SPIDR: variants seen among roughly 807,000 people sequenced by gnomAD.
SPIDR encodes the protein DNA repair-scaffolding protein.
A neutral mutation model predicts 104.6 loss-of-function variants in SPIDR; 93 were observed. The ratio of observed to expected loss-of-function variants is 0.89; its 90% CI spans 0.75 to 1.06. The LOEUF (loss-of-function observed/expected upper bound fraction) is 1.06, where lower values mean the gene tolerates loss of function less well. SPIDR is among the 50% of genes least tolerant of loss of function. The pLI is 0.00. For synonymous variants in SPIDR, 431 were observed against 416.9 expected (o/e 1.03, Z -0.41); for missense variants, 1,154 against 1,111.2 (o/e 1.04, Z -0.55).
chr8:47,487,060 T>A (rs1288908391), intron 8 of SPIDR, among the ~76,000 whole-genome samples: 3 of 152,170 alleles, frequency 2.0e-5, no homozygotes, highest in Non-Finnish European at 4.4e-5. Context: ...ACTGGCAAAT[T>A]GGATAAACAG....
At chr8:47,691,392 C>T (rs1428291247) in intron 11 of SPIDR, among the ~76,000 whole-genome samples, 2 of 151,828 alleles carry the variant, frequency 1.3e-5, no homozygotes, top group South Asian at 2.1e-4. Context: ...CACATCTATA[C>T]GGTATTCATA....
At chr8:47,269,609 G>C (rs2034868619) in intron 1 of SPIDR, among the ~76,000 whole-genome samples, 1 of 150,806 alleles carries the variant, frequency 6.6e-6, no homozygotes, top group Non-Finnish European at 1.5e-5. Context: ...ATACCATGCT[G>C]TCTGTCAGTA....
chr8:47,343,771 T>A (rs1358382180), intron 5 of SPIDR, among the ~76,000 whole-genome samples: 1 of 152,116 alleles, frequency 6.6e-6, no homozygotes, highest in Non-Finnish European at 1.5e-5. Flanking sequence ...TTTCTCAGGA[T>A]GTTTCATTCC....
intron 8 of SPIDR, among the ~76,000 whole-genome samples, chr8:47,451,570 A>C (rs1377063576): frequency 7.9e-6 from 1 of 126,498 alleles, no homozygotes; most frequent in Non-Finnish European, 1.7e-5. Context: ...GACATTGTGA[A>C]ACCCTGCCAA....
At chr8:47,720,472 C>T (rs1001334306) in intron 16 of SPIDR, among the ~76,000 whole-genome samples, 6 of 152,244 alleles carry the variant, frequency 3.9e-5, no homozygotes, top group African/African-American at 1.2e-4. Flanking sequence ...TCCACATCCT[C>T]ACCAGCATTT....
chr8:47,373,192 A>G (rs1227840615), intron 5 of SPIDR, among the ~76,000 whole-genome samples: 1 of 152,228 alleles, frequency 6.6e-6, no homozygotes, highest in Non-Finnish European at 1.5e-5. Context: ...CCTATTTCCT[A>G]ATTGAAAAGC....
chr8:47,313,692 ATGGTAC>A (rs1395738293), intron 5 of SPIDR, among the ~76,000 whole-genome samples: 1 of 152,230 alleles, frequency 6.6e-6, no homozygotes, highest in Non-Finnish European at 1.5e-5. Flanking sequence ...CCAAAACTGC[ATGGTAC>A]TGGTACCAAA....
At chr8:47,436,790 C>G (rs1305597590) in intron 7 of SPIDR, among the ~76,000 whole-genome samples, 4 of 152,186 alleles carry the variant, frequency 2.6e-5, no homozygotes, top group Admixed American at 2.6e-4. Context: ...GCTTTTTTCT[C>G]TCTCAGACAA....
intron 5 of SPIDR, among the ~76,000 whole-genome samples, chr8:47,345,570 C>T (rs189842662): frequency 8.9e-4 from 135 of 152,278 alleles, no homozygotes; most frequent in African/African-American, 2.6e-3. Flanking sequence ...GCCATTTTTA[C>T]GATACTGATT....
chr8:47,685,517 A>ATTTATTTTTTTTTTTTTTTT (rs761792229), intron 11 of SPIDR, among the ~76,000 whole-genome samples: 1 of 130,098 alleles, frequency 7.7e-6, no homozygotes, highest in South Asian at 2.3e-4. Flanking sequence ...TTATTTATTT[A>ATTTATTTTTTTTTTTTTTTT]TTTTTTTGAG....
intron 8 of SPIDR, among the ~76,000 whole-genome samples, chr8:47,458,266 T>G (rs532806981): frequency 6.6e-6 from 1 of 152,262 alleles, no homozygotes; most frequent in Admixed American, 6.5e-5. Context: ...CTTTCAGCAG[T>G]GTTTTTTAGT....
At chr8:47,261,073 T>G (rs2154208001) in intron 1 of SPIDR, 82 bp downstream of exon 1, 1 of 1,209,312 alleles carries the variant, frequency 8.3e-7, no homozygotes, top group Non-Finnish European at 1.0e-6. Flanking sequence ...CTGGCCCCGT[T>G]GTGCTGGGGT....
intron 1 of SPIDR, among the ~76,000 whole-genome samples, chr8:47,269,203 G>A (rs1367825243): frequency 7.1e-6 from 1 of 140,458 alleles, no homozygotes; most frequent in Non-Finnish European, 1.5e-5. Flanking sequence ...GGAGGTAGAA[G>A]CTTCAGTGAT....
At chr8:47,532,585 G>T (rs564756615) in intron 8 of SPIDR, among the ~76,000 whole-genome samples, 1 of 152,126 alleles carries the variant, frequency 6.6e-6, no homozygotes, top group Non-Finnish European at 1.5e-5. Flanking sequence ...CCAAGATGGC[G>T]TAACAGCCCT....
intron 10 of SPIDR, among the ~76,000 whole-genome samples, chr8:47,670,803 T>C (rs754555678): frequency 1.3e-5 from 2 of 152,236 alleles, no homozygotes; most frequent in Non-Finnish European, 2.9e-5. Context: ...TGTTATTCTG[T>C]CCTGTGTTTA....
intron 8 of SPIDR, among the ~76,000 whole-genome samples, chr8:47,524,024 C>A (rs2084602112): frequency 6.6e-6 from 1 of 152,142 alleles, no homozygotes; most frequent in South Asian, 2.1e-4. Flanking sequence ...TTCTAAAATA[C>A]CACCAAAAGT....
At chr8:47,574,204 T>C (rs1297790650) in intron 8 of SPIDR, among the ~76,000 whole-genome samples, 3 of 152,234 alleles carry the variant, frequency 2.0e-5, no homozygotes, top group African/African-American at 4.8e-5. Flanking sequence ...CTTGTGGTCA[T>C]TGTCTTCCAA....
intron 10 of SPIDR, among the ~76,000 whole-genome samples, chr8:47,639,882 G>A (rs554278541): frequency 6.4e-4 from 97 of 152,086 alleles, no homozygotes; most frequent in African/African-American, 2.3e-3. Context: ...CGGAGGCAGA[G>A]GTTGTAGTAA....
At chr8:47,479,350 C>A (rs2076627568) in intron 8 of SPIDR, among the ~76,000 whole-genome samples, 1 of 147,638 alleles carries the variant, frequency 6.8e-6, no homozygotes, top group Admixed American at 6.8e-5. Flanking sequence ...CAGAGTGAGA[C>A]TCTCTCAAAA....
Sources: gnomAD v4.1 joint callset for allele counts (sites outside exome capture counted in the v4.1 genomes callset) on GRCh38, gnomAD v4.1.1 for gene constraint, MANE v1.5 for transcripts, NCBI Gene and HGNC (gene_info 2026-07-23, HGNC 2026-07-21) for gene names.